CD96: variants seen among roughly 807,000 people sequenced by gnomAD.
CD96 encodes T-cell surface protein tactile.
In CD96, 70 loss-of-function variants were observed where a neutral mutation model predicts 71.3. The ratio of observed to expected loss-of-function variants is 0.98; its 90% confidence interval spans 0.81 to 1.20. The LOEUF (loss-of-function observed/expected upper bound fraction) is 1.20, where lower values mean the gene tolerates loss of function less well. Among genes scored for constraint, CD96 ranks in the 50% most tolerant of loss-of-function variants. The pLI is 0.00. For synonymous variants in CD96, 248 were observed against 233.0 expected (o/e 1.06, Z -0.59); for missense variants, 742 against 677.5 (o/e 1.10, Z -1.06).
intron 4 of CD96, among the ~76,000 whole-genome samples, chr3:111,582,993 CA>C (rs1455664862): frequency 6.6e-6 from 1 of 152,182 alleles, no homozygotes; most frequent in Non-Finnish European, 1.5e-5. Context: ...AGCATTAACC[CA>C]AAAGTCCAAG....
chr3:111,608,193 AGCACATGGTCTTCTCTATAGCTCT>A (rs1179521363), intron 8 of CD96, among the ~76,000 whole-genome samples: 1 of 152,220 alleles, frequency 6.6e-6, no homozygotes, highest in African/African-American at 2.4e-5. Context: ...TCAGTTCCTC[AGCACATGGTCTTCTCTATAGCTCT>A]GCATACAATA....
In CD96 at chr3:111,638,320, T is replaced by C. The variant is rs756545570; in HGVS notation, c.1477+152T>C. On this transcript the variant is annotated intron_variant, in intron 12 of 13. Transcript: ENST00000352690. ...AAGATTATAATCTATTAGTGATCGA[T>C]CATGTGTATAGTAAATAAATAATCA... 518 of 691,432 alleles carry C rather than the reference T, an allele frequency of 7.5e-4. 3 individuals are homozygous for C. The highest frequency in any genetic ancestry group is 1.6e-4 in the Non-Finnish European group (59 of 377,162). 42.8% of individuals were successfully genotyped at this position (691,432 alleles called of 1,614,324 possible).
chr3:111,542,719 ACT>A (rs1360930260), intron 1 of CD96, among the ~76,000 whole-genome samples: 13 of 152,086 alleles, frequency 8.5e-5, no homozygotes. Context: ...TCTCTCAAGT[ACT>A]CTCTTTCTTT....
intron 3 of CD96, among the ~76,000 whole-genome samples, chr3:111,573,528 T>A (rs1022882501): frequency 7.4e-4 from 113 of 152,284 alleles, no homozygotes; most frequent in African/African-American, 2.7e-3. Flanking sequence ...ACCAAGACCC[T>A]GGGACCTTTA....
chr3:111,567,791 A>T, intron 3 of CD96, 144 bp downstream of exon 3: 1 of 763,808 alleles, frequency 1.3e-6, no homozygotes, highest in Non-Finnish European at 2.3e-6. Flanking sequence ...GTAGGGAAGG[A>T]AGGAGAGGTC....
intron 13 of CD96, among the ~76,000 whole-genome samples, chr3:111,649,216 C>G (rs1939968093): frequency 1.3e-5 from 2 of 152,102 alleles, no homozygotes; most frequent in South Asian, 2.1e-4. Flanking sequence ...AACATTTCTT[C>G]TATTAGGAGG....
At chr3:111,579,728 A>G (rs1936384418) in intron 4 of CD96, among the ~76,000 whole-genome samples, 1 of 152,084 alleles carries the variant, frequency 6.6e-6, no homozygotes, top group Admixed American at 6.6e-5. Context: ...CCCTCCCATT[A>G]TAACTCATGA....
chr3:111,582,102 G>C (rs774951804), intron 4 of CD96, among the ~76,000 whole-genome samples: 82 of 152,030 alleles, frequency 5.4e-4, no homozygotes, highest in Non-Finnish European at 3.1e-4. Context: ...TAACTCTCTG[G>C]GACTCCCAGT....
chr3:111,617,735 G>A lies in CD96; in HGVS notation c.1181-6019G>A, dbSNP rs200484142. ...AGCATACCTCGTTCTTCTTGGGGGC[G>A]AGACAAGAACTTGGGACCTACTGAA... On this transcript the variant is annotated intron_variant, in intron 8 of 13. Transcript: ENST00000352690. Among the ~76,000 whole-genome samples, 6 of 152,270 alleles carry A rather than the reference G, an allele frequency of 3.9e-5. No individual in the cohort carries two copies. In the East Asian group the frequency reaches 5.8e-4, roughly 15 times the overall value.
intron 8 of CD96, among the ~76,000 whole-genome samples, chr3:111,614,334 TAAG>T (rs983642504): frequency 4.6e-5 from 7 of 152,074 alleles, no homozygotes; most frequent in African/African-American, 1.7e-4. Flanking sequence ...GGGAATGGCG[TAAG>T]AAGAAGAGGG....
intron 6 of CD96, among the ~76,000 whole-genome samples, chr3:111,599,845 G>A (rs1937415202): frequency 1.3e-5 from 2 of 152,236 alleles, no homozygotes; most frequent in Non-Finnish European, 2.9e-5. Context: ...GCACACAACT[G>A]CATTTAGCTA....
In CD96 at chr3:111,623,144, T is replaced by C. The variant is rs143651794; in HGVS notation, c.1181-610T>C. 6.0e-3 allele frequency among the ~76,000 whole-genome samples: 910 copies of C among 152,360 alleles called. 7 individuals carry two copies. The highest frequency in any genetic ancestry group is 0.021 in the African/African-American group (869 of 41,584). On this transcript the variant is annotated intron_variant, in intron 8 of 13. Transcript: ENST00000352690. The stretch of plus-strand genomic sequence containing the variant: ...TATTTCCAAGAGATATAAACCTGAT[T>C]TCAATGGACTGTTGTTGGATATTCT...
At chr3:111,544,922 T>C in intron 1 of CD96, 124 bp from the exon 2 acceptor site, 1 of 804,880 alleles carries the variant, frequency 1.2e-6, no homozygotes, top group African/African-American at 1.7e-5. Context: ...ACTCTATTCC[T>C]AAAGCAGCCA....
intron 8 of CD96, among the ~76,000 whole-genome samples, chr3:111,613,839 G>A (rs1938082558): frequency 6.6e-6 from 1 of 152,220 alleles, no homozygotes; most frequent in East Asian, 1.9e-4. Context: ...AGCAGAGTCT[G>A]ACTAACCAGA....
chr3:111,562,069 CCGCACGGTGCG>C (rs1264702280), intron 2 of CD96, among the ~76,000 whole-genome samples: 2 of 152,146 alleles, frequency 1.3e-5, no homozygotes, highest in Non-Finnish European at 2.9e-5. Context: ...GCTTCGGCTC[CCGCACGGTGCG>C]CGCACCCACT....
chr3:111,601,235 A>G (rs1937484738), intron 7 of CD96, among the ~76,000 whole-genome samples: 1 of 152,226 alleles, frequency 6.6e-6, no homozygotes, highest in South Asian at 2.1e-4. Flanking sequence ...TTGAAAATTA[A>G]TACTAATACT....
In CD96 at chr3:111,590,065, G is replaced by A. The variant is rs552951331; in HGVS notation, c.807+4687G>A. On this transcript the variant is annotated intron_variant, in intron 5 of 13. Coordinates refer to ENST00000352690, the MANE Select transcript of CD96 (RefSeq NM_005816.5). ...ATTTATCATTTACCCACTCTCTTAC[G>A]TTCATAAATCAGCTATGTGACTGAT... Among the ~76,000 whole-genome samples the A allele has an allele frequency of 5.3e-5, 8 of 152,192 alleles. No homozygotes were observed. The South Asian group carries it at 6.2e-4, about 12-fold the overall frequency.
At chr3:111,628,093 A>G (rs1375329286) in intron 10 of CD96, among the ~76,000 whole-genome samples, 2 of 152,200 alleles carry the variant, frequency 1.3e-5, no homozygotes, top group African/African-American at 4.8e-5. Flanking sequence ...AGAAAAAGAA[A>G]AAAAACAACA....
chr3:111,636,845 A>C, intron 10 of CD96, among the ~76,000 whole-genome samples: 1 of 152,280 alleles, frequency 6.6e-6, no homozygotes, highest in Admixed American at 6.5e-5. Flanking sequence ...AAACGCCGCC[A>C]TAACACACCT....
Sources: gnomAD v4.1 joint callset for allele counts (sites outside exome capture counted in the v4.1 genomes callset) on GRCh38, gnomAD v4.1.1 for gene constraint, MANE v1.5 for transcripts, NCBI Gene and HGNC (gene_info 2026-07-23, HGNC 2026-07-21) for gene names.